Variants in ASAP1 observed in about 807,000 individuals in gnomAD.
ASAP1 encodes the protein ArfGAP with SH3 domain, ankyrin repeat and PH domain 1.
ASAP1 carries 43 observed loss-of-function variants against 145.2 expected under a neutral mutation model. The ratio of observed to expected loss-of-function variants is 0.30; its 90% CI spans 0.23 to 0.38. The LOEUF (loss-of-function observed/expected upper bound fraction) is 0.38. ASAP1 is among the 10% of genes least tolerant of loss of function. ASAP1 has a pLI of 1.00. For synonymous variants in ASAP1, 546 were observed against 515.5 expected (o/e 1.06, Z -0.80); for missense variants, 1,018 against 1,355.3 (o/e 0.75, Z 3.91).
intron 3 of ASAP1, among the ~76,000 whole-genome samples, chr8:130,257,457 T>A (rs192742231): frequency 1.3e-5 from 2 of 152,298 alleles, no homozygotes; most frequent in East Asian, 3.9e-4. Context: ...GGCACAGTAC[T>A]TCATAAAGAA....
In ASAP1 at chr8:130,052,976, A is replaced by G. The variant is rs1164062461; in HGVS notation, c.*1755T>C. On this transcript the variant is annotated 3_prime_UTR_variant, in exon 30 of 30. Transcript: ENST00000518721. The stretch of plus-strand genomic sequence containing the variant: ...TTCCTCATGCTCTGTTTGGTGTGGA[A>G]ATTCACATGTGCCCTGACACTGAGG... 1.3e-5 allele frequency: 2 copies of G among 152,164 alleles called. No homozygotes were observed. The highest frequency in any genetic ancestry group is 4.8e-5 in the African/African-American group (2 of 41,436). 9.4% of individuals were successfully genotyped at this position (152,164 alleles called of 1,614,324 possible). A position where few individuals can be genotyped will look rare whatever the true frequency, so the allele number is the denominator to read the frequency against.
At chr8:130,381,798 T>A (rs748494241) in intron 2 of ASAP1, among the ~76,000 whole-genome samples, 2 of 152,146 alleles carry the variant, frequency 1.3e-5, no homozygotes, top group African/African-American at 2.4e-5. Flanking sequence ...CACACCCCCC[T>A]GAGGGCCTTT....
chr8:130,422,792 A>G (rs896942089), intron 1 of ASAP1, among the ~76,000 whole-genome samples: 6 of 152,182 alleles, frequency 3.9e-5, no homozygotes, highest in Non-Finnish European at 7.3e-5. Context: ...CTCCACTGTC[A>G]TTTGTGAATT....
intron 3 of ASAP1, among the ~76,000 whole-genome samples, chr8:130,347,113 C>A (rs909175060): frequency 2.6e-5 from 4 of 152,214 alleles, no homozygotes; most frequent in Non-Finnish European, 5.9e-5. Flanking sequence ...CCGAAGACAG[C>A]CAAGTTGCCC....
At chr8:130,426,866 C>T (rs931405724) in intron 1 of ASAP1, among the ~76,000 whole-genome samples, 3 of 152,162 alleles carry the variant, frequency 2.0e-5, no homozygotes, top group Non-Finnish European at 4.4e-5. Flanking sequence ...ACACACCATC[C>T]GTTTCATGTT....
At chr8:130,280,597 C>T (rs886413036) in intron 3 of ASAP1, among the ~76,000 whole-genome samples, 9 of 152,324 alleles carry the variant, frequency 5.9e-5, no homozygotes, top group Middle Eastern at 3.4e-3. Context: ...TGAGCTGTAG[C>T]ATTATCCAAA....
At chr8:130,120,784 C>G (rs1349900064) in intron 18 of ASAP1, among the ~76,000 whole-genome samples, 1 of 152,172 alleles carries the variant, frequency 6.6e-6, no homozygotes, top group South Asian at 2.1e-4. Context: ...AGTATCTGGC[C>G]TCTTACTAGG....
At chr8:130,324,975 C>T (rs563517481) in intron 3 of ASAP1, among the ~76,000 whole-genome samples, 2 of 152,284 alleles carry the variant, frequency 1.3e-5, no homozygotes, top group East Asian at 1.9e-4. Context: ...AACAAGGAAC[C>T]CCCAAAACCC....
intron 4 of ASAP1, among the ~76,000 whole-genome samples, 187 bp from the exon 5 acceptor site, chr8:130,214,888 T>A (rs1253062296): frequency 6.6e-6 from 1 of 152,040 alleles, no homozygotes; most frequent in East Asian, 1.9e-4. Context: ...CTAAGGAAGA[T>A]TTTCCCTTTT....
rs886602023 is a variant in ASAP1, at chr8:130,361,551, C to T, written c.60-3408G>A. 2.2e-5 allele frequency: 17 copies of T among 758,294 alleles called. No individual in the cohort carries two copies. The African/African-American group carries it at 2.8e-4, about 12-fold the overall frequency. The allele number at this position is 758,294 out of a possible 1,614,324, so 47.0% of individuals were successfully genotyped here. A position where few individuals can be genotyped will look rare whatever the true frequency, so the allele number is the denominator to read the frequency against. ...AGATTATGTTATGTATCTGCTCCTC[C>T]CCCATCTCCTTTGGCCAAGAAAGGA... On this transcript the variant is annotated intron_variant, in intron 2 of 29. Transcript: ENST00000518721.
intron 24 of ASAP1, among the ~76,000 whole-genome samples, chr8:130,098,446 C>T (rs776453878): frequency 6.6e-6 from 1 of 152,102 alleles, no homozygotes; most frequent in Admixed American, 6.5e-5. Flanking sequence ...CGGGTTCAAG[C>T]GATTCTCCTG....
Position 130,291,752 on chromosome 8 carries a change from A to G in ASAP1, c.187-54758T>C, listed in dbSNP as rs114531838. The stretch of plus-strand genomic sequence containing the variant: ...CAAGGAGAGAGATTCACTCTTGCTT[A>G]TATTTCCAGGCATGAATTATTTATT... On this transcript the variant is annotated intron_variant, in intron 3 of 29. Transcript: ENST00000518721. Among the ~76,000 whole-genome samples, 268 of 152,346 alleles carry G rather than the reference A, an allele frequency of 1.8e-3. 1 individual carries two copies. Among genetic ancestry groups the G allele is most frequent in the Middle Eastern group, 0.01 (3 of 294 alleles).
chr8:130,336,822 A>G (rs1022012829), intron 3 of ASAP1, among the ~76,000 whole-genome samples: 2 of 152,260 alleles, frequency 1.3e-5, no homozygotes, highest in Admixed American at 1.3e-4. Context: ...CAGAAAAGCT[A>G]AAAAGATACT....
intron 3 of ASAP1, among the ~76,000 whole-genome samples, chr8:130,300,651 A>C (rs1822605563): frequency 6.6e-6 from 1 of 152,374 alleles, no homozygotes; most frequent in Admixed American, 6.5e-5. Context: ...TTCTCAACAG[A>C]TAATGAAGTT....
chr8:130,356,806 T>A (rs761139471), intron 3 of ASAP1, among the ~76,000 whole-genome samples: 8 of 152,032 alleles, frequency 5.3e-5, no homozygotes, highest in Non-Finnish European at 1.0e-4. Context: ...GAAACATGAG[T>A]ATCAAAGCTC....
chr8:130,231,807 A>C (rs577281882), intron 4 of ASAP1, among the ~76,000 whole-genome samples: 1 of 152,300 alleles, frequency 6.6e-6, no homozygotes, highest in East Asian at 1.9e-4. Flanking sequence ...TGTGTTTTTT[A>C]AACAATACTG....
intron 2 of ASAP1, among the ~76,000 whole-genome samples, chr8:130,384,746 CT>C (rs1334887089): frequency 6.6e-6 from 1 of 152,146 alleles, no homozygotes; most frequent in Non-Finnish European, 1.5e-5. Flanking sequence ...CTTTTATTAT[CT>C]GGGGAATGTT....
chr8:130,427,901 T>C (rs1006380986), intron 1 of ASAP1: 3 of 152,214 alleles, frequency 2.0e-5, no homozygotes, highest in Admixed American at 2.0e-4. Flanking sequence ...ATCTTCCTGG[T>C]GGCAGGATTA....
At chr8:130,357,889 G>C in intron 3 of ASAP1, 128 bp downstream of exon 3, 2 of 1,296,374 alleles carry the variant, frequency 1.5e-6, no homozygotes, top group Non-Finnish European at 2.1e-6. Context: ...TTATTCACCC[G>C]GCGGCTCCCT....
Sources: gnomAD v4.1 joint callset for allele counts (sites outside exome capture counted in the v4.1 genomes callset) on GRCh38, gnomAD v4.1.1 for gene constraint, MANE v1.5 for transcripts, NCBI Gene and HGNC (gene_info 2026-07-23, HGNC 2026-07-21) for gene names.